Variants in AADACL2 observed in about 807,000 individuals in gnomAD.
AADACL2 encodes the protein arylacetamide deacetylase-like 2.
AADACL2 carries 23 observed loss-of-function variants against 22.3 expected under a neutral mutation model. That is an observed-to-expected ratio of 1.03 (90% confidence interval 0.74 to 1.46). AADACL2 has a LOEUF of 1.46. AADACL2 is among the 40% of genes most tolerant of loss of function. The pLI is 0.00. For missense variants in AADACL2, 472 were observed against 482.9 expected (o/e 0.98, Z 0.21); for synonymous variants, 177 against 166.2 (o/e 1.07, Z -0.50).
chr3:151,736,945 T>G (rs914056704), intron 1 of AADACL2, among the ~76,000 whole-genome samples: 2 of 152,158 alleles, frequency 1.3e-5, no homozygotes, highest in African/African-American at 4.8e-5. Flanking sequence ...CCACCAACAG[T>G]GTAAAAGCCT....
In AADACL2 at chr3:151,757,393, T is replaced by C; in HGVS notation, c.1005T>C (p.Ile335=). 1 of 1,613,720 alleles carries C rather than the reference T, an allele frequency of 6.2e-7. No individual in the cohort carries two copies. ...SQLQNLPLTY[I]LTCQHDLLRD... is the part of the protein sequence containing the mutation. Reference sequence around the variant, plus strand: ...TACAGAATTTGCCACTAACCTATATTCTTACTTGTCAACATGATCTCTTAA... The same window carrying C: ...TACAGAATTTGCCACTAACCTATATCCTTACTTGTCAACATGATCTCTTAA... The change falls in exon 5 of 5, where the codon ATT becomes ATC. Residue 335 remains isoleucine, a synonymous_variant. Transcript: ENST00000356517.
Position 151,744,194 on chromosome 3 carries a change from T to C in AADACL2, c.431+32T>C. On this transcript the variant is annotated intron_variant, in intron 3 of 4. Coordinates refer to ENST00000356517, the MANE Select transcript of AADACL2 (RefSeq NM_207365.4). ...ATGATTTTTTTCTGGCTACTATGAT[T>C]TTTGCCTTTACCATGTAGAGGTTTG... 1.2e-6 allele frequency: 2 copies of C among 1,611,060 alleles called. 1 individual carries two copies. The highest frequency in any genetic ancestry group is 2.2e-5 in the South Asian group (2 of 90,624).
rs1714073732 is a variant in AADACL2 at position 151,759,454 on chromosome 3, A to T, written c.*1860A>T. The T allele has an allele frequency of 6.6e-6, 1 of 152,152 alleles. No individual in the cohort carries two copies. The allele number at this position is 152,152 out of a possible 1,614,324, so 9.4% of individuals were successfully genotyped here. A position where few individuals can be genotyped will look rare whatever the true frequency, so the allele number is the denominator to read the frequency against. ...TTTTCACAGTGATTCCTGACTAAAA[A>T]TCCTTTTAATTTTGTAAGCACTACA... On this transcript the variant is annotated 3_prime_UTR_variant, in exon 5 of 5. Coordinates refer to ENST00000356517, the MANE Select transcript of AADACL2 (RefSeq NM_207365.4).
rs765700348 is a variant in AADACL2, at chr3:151,744,112, C to T, written c.381C>T (p.Phe127=). 6.2e-7 allele frequency: 1 copy of T among 1,613,626 alleles called. No homozygotes were observed. The highest frequency in any genetic ancestry group is 1.1e-5 in the South Asian group (1 of 91,018). The change falls in exon 3 of 5, where the codon TTC becomes TTT. Residue 127 remains phenylalanine, a synonymous_variant. Transcript: ENST00000356517. ...FGSSKQRAFD[F]LNRWTANTLD... ...TTTCAGAACAGAGGGCTTTTGACTT[C>T]CTGAATAGATGGACGGCAAACACGC... is the stretch of plus-strand genomic sequence containing the variant.
chr3:151,739,596 G>A (rs776836878), intron 1 of AADACL2, among the ~76,000 whole-genome samples: 12 of 152,172 alleles, frequency 7.9e-5, no homozygotes, highest in Admixed American at 6.5e-5. Flanking sequence ...GTTTAGGTCC[G>A]CTGAAGCTGC....
At position 151,744,192 on chromosome 3, in the gene AADACL2, AT is replaced by A. The variant is rs778417427; in HGVS notation, c.431+35del. 1.6e-4 allele frequency: 261 copies of A among 1,611,050 alleles called. 1 individual carries two copies. The highest frequency in any genetic ancestry group is 2.2e-4 in the Non-Finnish European group (255 of 1,178,122). Reference sequence around the variant, plus strand: ...GAATGATTTTTTTCTGGCTACTATGATTTTTGCCTTTACCATGTAGAGGTTT... The same window carrying A: ...GAATGATTTTTTTCTGGCTACTATGATTTTGCCTTTACCATGTAGAGGTTT... On this transcript the variant is annotated intron_variant, in intron 3 of 4. Transcript: ENST00000356517.
chr3:151,735,931 A>G (rs956649909), intron 1 of AADACL2, among the ~76,000 whole-genome samples: 2 of 152,204 alleles, frequency 1.3e-5, no homozygotes, highest in South Asian at 4.1e-4. Flanking sequence ...GTCCAGTGAC[A>G]TAACACAAAA....
At position 151,734,143 on chromosome 3, in the gene AADACL2, G is replaced by A. The variant is rs777070007; in HGVS notation, c.108G>A (p.Leu36=). The A allele has an allele frequency of 4.2e-5, 67 of 1,613,234 alleles. No homozygotes were observed. Among genetic ancestry groups the A allele is most frequent in the Non-Finnish European group, 5.4e-5 (64 of 1,179,670 alleles). The part of the protein sequence containing the change: ...NIEESWKIMA[L]DAIAKTCTFT... The stretch of plus-strand genomic sequence containing the variant: ...AAGAAAGCTGGAAAATAATGGCCTT[G>A]GATGCCATCGCTAAAACTTGTACAT... Residue 36 remains leucine, a synonymous_variant, in exon 1 of 5, where the codon TTG becomes TTA. Coordinates refer to ENST00000356517, the MANE Select transcript of AADACL2 (RefSeq NM_207365.4).
chr3:151,737,433 A>C (rs1386448544), intron 1 of AADACL2, among the ~76,000 whole-genome samples: 3 of 152,004 alleles, frequency 2.0e-5, no homozygotes, highest in African/African-American at 7.3e-5. Context: ...AAGAATGTAT[A>C]TTCTGTTGAT....
At chr3:151,736,030 C>CT (rs796547372) in intron 1 of AADACL2, among the ~76,000 whole-genome samples, 118 of 152,012 alleles carry the variant, frequency 7.8e-4, no homozygotes, top group African/African-American at 2.8e-3. Flanking sequence ...GTGCCCTAAT[C>CT]TTTTTGGAGT....
At chr3:151,747,171 T>C (rs1560284240) in intron 4 of AADACL2, among the ~76,000 whole-genome samples, 1 of 152,228 alleles carries the variant, frequency 6.6e-6, no homozygotes, top group East Asian at 1.9e-4. Flanking sequence ...GATATATGTA[T>C]GCATTTTTAA....
intron 1 of AADACL2, among the ~76,000 whole-genome samples, chr3:151,735,939 A>G (rs1713072367): frequency 6.6e-6 from 1 of 152,174 alleles, no homozygotes; most frequent in Admixed American, 6.6e-5. Context: ...ACATAACACA[A>G]AAGTCCTCGA....
intron 1 of AADACL2, among the ~76,000 whole-genome samples, chr3:151,738,520 C>G (rs1277748805): frequency 6.6e-6 from 1 of 152,068 alleles, no homozygotes; most frequent in Non-Finnish European, 1.5e-5. Context: ...TCTGTATTTC[C>G]TGAATTTGAA....
intron 1 of AADACL2, among the ~76,000 whole-genome samples, chr3:151,734,393 C>T (rs949480766): frequency 2.1e-4 from 32 of 152,002 alleles, no homozygotes; most frequent in Non-Finnish European, 3.5e-4. Flanking sequence ...TATGTCTAAA[C>T]GTGACATGTA....
intron 2 of AADACL2, among the ~76,000 whole-genome samples, chr3:151,743,596 T>G (rs1328399685): frequency 2.0e-5 from 3 of 152,214 alleles, no homozygotes; most frequent in Admixed American, 2.0e-4. Context: ...TTTTATTATG[T>G]GGCATCTTCA....
chr3:151,747,085 T>C (rs774502364), intron 4 of AADACL2, among the ~76,000 whole-genome samples: 1 of 152,148 alleles, frequency 6.6e-6, no homozygotes, highest in Non-Finnish European at 1.5e-5. Flanking sequence ...TGTTTTTTTC[T>C]CTTTTGTGAG....
intron 2 of AADACL2, among the ~76,000 whole-genome samples, chr3:151,743,014 A>G (rs1713330405): frequency 6.6e-6 from 1 of 152,012 alleles, no homozygotes. Flanking sequence ...TTTTTTTAAT[A>G]GAAATTAAAG....
chr3:151,749,568 T>C (rs3959149), intron 4 of AADACL2, among the ~76,000 whole-genome samples: 61,626 of 151,816 alleles, frequency 0.41, 12,930 homozygotes, highest in East Asian at 0.51. Flanking sequence ...CTGCACGCTC[T>C]GCCTCCCGGG....
At chr3:151,738,038 C>T (rs567967906) in intron 1 of AADACL2, among the ~76,000 whole-genome samples, 26 of 152,276 alleles carry the variant, frequency 1.7e-4, no homozygotes, top group Admixed American at 7.2e-4. Context: ...AATGCAGTTT[C>T]TTCAGAGTGT....
Sources: allele counts gnomAD v4.1 joint callset (sites outside exome capture counted in the v4.1 genomes callset), GRCh38; gene constraint gnomAD v4.1.1; transcripts MANE v1.5; gene names NCBI Gene and HGNC (gene_info 2026-07-23, HGNC 2026-07-21).